RPAIN: variants seen among roughly 807,000 people sequenced by gnomAD.
The protein encoded by RPAIN is RPA-interacting protein.
A neutral mutation model predicts 30.5 loss-of-function variants in RPAIN; 29 were observed. The ratio of observed to expected loss-of-function variants is 0.95; its 90% CI spans 0.71 to 1.30. RPAIN has a LOEUF of 1.30. Ranked by LOEUF, RPAIN falls within the 50% of genes most tolerant of loss-of-function variation. The pLI is 0.00. For missense variants in RPAIN, 247 were observed against 264.7 expected (o/e 0.93, Z 0.46); for synonymous variants, 101 against 93.5 (o/e 1.08, Z -0.46).
At chr17:5,425,391 A>C (rs1915285117) in intron 3 of RPAIN, 1 of 449,122 alleles carries the variant, frequency 2.2e-6, no homozygotes, top group Non-Finnish European at 4.4e-6. Flanking sequence ...GCTGGAGTGC[A>C]GTGGCGCAAT....
intron 3 of RPAIN, chr17:5,425,535 C>T (rs1456134601): frequency 5.7e-6 from 2 of 351,700 alleles, no homozygotes; most frequent in Non-Finnish European, 1.1e-5. Flanking sequence ...TGGGTTTCAC[C>T]ATGTTGGCCA....
chr17:5,427,817 C>T (rs1410544557), intron 5 of RPAIN: 11 of 503,270 alleles, frequency 2.2e-5, no homozygotes, highest in Admixed American at 1.3e-4. Context: ...AATCTCTGAG[C>T]GTTCTTCCTG....
chr17:5,429,868 A>C, intron 6 of RPAIN: 1 of 797,446 alleles, frequency 1.3e-6, no homozygotes, highest in Non-Finnish European at 1.5e-6. Flanking sequence ...GATTCCTCAC[A>C]AGGAATTGGC....
chr17:5,423,919 AT>A (rs889593476), intron 3 of RPAIN, among the ~76,000 whole-genome samples: 2 of 139,438 alleles, frequency 1.4e-5, no homozygotes, highest in Admixed American at 7.4e-5. Flanking sequence ...CCCCTGGCTA[AT>A]TTTTTTTTAT....
intron 3 of RPAIN, among the ~76,000 whole-genome samples, chr17:5,424,520 C>G (rs1915195389): frequency 6.6e-6 from 1 of 152,146 alleles, no homozygotes; most frequent in Non-Finnish European, 1.5e-5. Context: ...AGACTTAGTG[C>G]ATTGTCTGGC....
chr17:5,426,647 T>A (rs2151666499), intron 5 of RPAIN: 1 of 195,096 alleles, frequency 5.1e-6, no homozygotes, highest in Non-Finnish European at 1.1e-5. Flanking sequence ...TAATTTTTTT[T>A]TTTTTTTTTT....
At chr17:5,425,421 C>T (rs1006329373) in intron 3 of RPAIN, 20 of 440,564 alleles carry the variant, frequency 4.5e-5, no homozygotes, top group East Asian at 1.5e-4. Flanking sequence ...CTGCAACCTC[C>T]GCCTCCTGGG....
At chr17:5,431,438 G>C (rs1287484893) in intron 6 of RPAIN, 2 of 443,556 alleles carry the variant, frequency 4.5e-6, no homozygotes, top group East Asian at 7.7e-5. Context: ...AGTGAGCTGA[G>C]AGGGCGCCAT....
intron 2 of RPAIN, among the ~76,000 whole-genome samples, chr17:5,422,278 G>A (rs1197426202): frequency 6.6e-6 from 1 of 152,200 alleles, no homozygotes; most frequent in Non-Finnish European, 1.5e-5. Context: ...AGCATTGTAA[G>A]GACTGTGTAA....
At chr17:5,428,033 A>T (rs1472840863) in intron 5 of RPAIN, 38 bp from the exon 6 acceptor site, 1 of 1,606,568 alleles carries the variant, frequency 6.2e-7, no homozygotes, top group African/African-American at 1.3e-5. Context: ...GTTGGCTATC[A>T]AGTCACTGAG....
chr17:5,426,278 T>C lies in RPAIN; in HGVS notation c.468T>C (p.Cys156=). ...CAAGCGGTGTGGTGGTGTGTCAGTG[T>C]GGCCTGTCCATCCCATCTCATGTGA... ...RITSGVVVCQ[C]GLSIPSHSSE... The change falls in exon 5 of 7, where the codon TGT becomes TGC. Residue 156 remains cysteine (C), a synonymous_variant. Coordinates refer to ENST00000381209, the MANE Select transcript of RPAIN (RefSeq NM_001033002.4). The C allele has an allele frequency of 6.2e-7, 1 of 1,614,122 alleles. No homozygotes were observed. Among genetic ancestry groups the C allele is most frequent in the South Asian group, 1.1e-5 (1 of 91,086 alleles).
intron 6 of RPAIN, 56 bp from the exon 7 acceptor site, chr17:5,432,486 A>G (rs369580483): frequency 1.1e-4 from 158 of 1,491,940 alleles, no homozygotes; most frequent in Middle Eastern, 3.4e-4. Flanking sequence ...CTTTTATCAG[A>G]TATCTTTCAT....
chr17:5,428,392 A>G, intron 6 of RPAIN, 181 bp downstream of exon 6: 1 of 1,486,160 alleles, frequency 6.7e-7, no homozygotes, highest in East Asian at 2.5e-5. Context: ...CCAGTCAGAA[A>G]GAAGGGAAGA....
Position 5,428,362 on chromosome 17 carries a change from A to C in RPAIN, c.630+151A>C. On this transcript the variant is annotated intron_variant, in intron 6 of 6. Coordinates refer to ENST00000381209, the MANE Select transcript of RPAIN (RefSeq NM_001033002.4). ...ACCTGCATAGAAAAGTGAAGGTAAC[A>C]AGTCATTTAGACTCAAAGGCCAGTC... is the stretch of plus-strand genomic sequence containing the variant. 6 of 1,522,490 alleles carry C rather than the reference A, an allele frequency of 3.9e-6. No homozygotes were observed. The South Asian group carries it at 7.5e-5, about 19-fold the overall frequency. 94.3% of individuals were successfully genotyped at this position (1,522,490 alleles called of 1,614,324 possible). A position where few individuals can be genotyped will look rare whatever the true frequency, so the allele number is the denominator to read the frequency against.
intron 3 of RPAIN, chr17:5,425,347 T>C: frequency 2.2e-6 from 1 of 455,728 alleles, no homozygotes; most frequent in Non-Finnish European, 4.4e-6. Context: ...CTCTTTTTTT[T>C]TTTTTTGACA....
rs1468043550 is a variant in RPAIN at position 5,421,436 on chromosome 17, A to G, written c.222A>G (p.Ser74=). Residue 74 remains serine, a synonymous_variant, in exon 2 of 7, where the codon TCA becomes TCG. Transcript: ENST00000381209. ...VMEEEWNALQ[S]VENCPEDLAQ... ...AAGAAGAGTGGAATGCTTTGCAGTC[A>G]GTGGAGAATTGTCCAGAAGACTTGG... 5 of 1,613,986 alleles carry G rather than the reference A, an allele frequency of 3.1e-6. No individual in the cohort carries two copies. In the Admixed American group the frequency reaches 6.7e-5, roughly 22 times the overall value.
At chr17:5,431,318 C>T (rs751152611) in intron 6 of RPAIN, 4 of 383,084 alleles carry the variant, frequency 1.0e-5, no homozygotes, top group African/African-American at 2.1e-5. Flanking sequence ...GAAACCCTGT[C>T]TCTACTAAAA....
intron 1 of RPAIN, among the ~76,000 whole-genome samples, chr17:5,420,617 T>C (rs1283094997): frequency 2.0e-5 from 3 of 150,208 alleles, no homozygotes; most frequent in Non-Finnish European, 4.4e-5. Flanking sequence ...GAGATAGAGA[T>C]GATTTCTATT....
intron 6 of RPAIN, chr17:5,429,096 C>G: frequency 1.0e-6 from 1 of 984,876 alleles, no homozygotes; most frequent in South Asian, 4.7e-5. Context: ...TTGAGAAATA[C>G]ACATCTCTCA....
Sources: gnomAD v4.1 joint callset for allele counts (sites outside exome capture counted in the v4.1 genomes callset) on GRCh38, gnomAD v4.1.1 for gene constraint, MANE v1.5 for transcripts, NCBI Gene and HGNC (gene_info 2026-07-23, HGNC 2026-07-21) for gene names.